Variants in PLA2R1 observed in about 807,000 individuals in gnomAD.
The protein encoded by PLA2R1 is phospholipase A2 receptor 1, also known as secretory phospholipase A2 receptor.
Under a neutral mutation model 195.9 loss-of-function variants are expected in PLA2R1, and 158 were observed. The ratio of observed to expected loss-of-function variants is 0.81; its 90% CI spans 0.71 to 0.92. The LOEUF is 0.92. Ranked by LOEUF, PLA2R1 falls within the 40% of genes least tolerant of loss-of-function variation. The pLI is 0.00. For synonymous variants in PLA2R1, 586 were observed against 598.2 expected, an observed-to-expected ratio of 0.98 and a Z score of 0.30; for missense variants, 1,626 against 1,764.6, an observed-to-expected ratio of 0.92 and a Z score of 1.41.
chr2:159,960,455 G>A (rs908744042), intron 20 of PLA2R1, among the ~76,000 whole-genome samples: 4 of 152,128 alleles, frequency 2.6e-5, no homozygotes, highest in South Asian at 2.1e-4. Flanking sequence ...AATGAATGAA[G>A]TGCTCCAATT....
At chr2:160,015,653 G>C (rs1164163653) in intron 9 of PLA2R1, among the ~76,000 whole-genome samples, 2 of 152,142 alleles carry the variant, frequency 1.3e-5, no homozygotes, top group East Asian at 3.8e-4. Flanking sequence ...ATATCAGGTA[G>C]AGATTAATCA....
chr2:159,931,795 A>G (rs1198369069), downstream of PLA2R1, among the ~76,000 whole-genome samples: 1 of 152,202 alleles, frequency 6.6e-6, no homozygotes, highest in East Asian at 1.9e-4. Context: ...CTTTATGCAT[A>G]AAACCAACAG....
chr2:160,016,974 T>TA (rs1343273129), intron 8 of PLA2R1, among the ~76,000 whole-genome samples: 1 of 152,192 alleles, frequency 6.6e-6, no homozygotes, highest in Admixed American at 6.5e-5. Flanking sequence ...TGCTTCTTGA[T>TA]AGCTGCCATG....
chr2:159,944,615 A>G lies in PLA2R1; in HGVS notation c.4144+291T>C, dbSNP rs570970791. 3.9e-5 allele frequency among the ~76,000 whole-genome samples: 6 copies of G among 152,310 alleles called. No homozygotes were observed. The East Asian group carries it at 1.2e-3, about 29-fold the overall frequency. On this transcript the variant is annotated intron_variant, in intron 28 of 29. Transcript: ENST00000283243. ...ATGAAGGTTGCTGGTTTACATTCCT[A>G]GTTCTATTTGCTTGAGGGAAAATGA...
chr2:160,036,863 C>T (rs1296901776), intron 3 of PLA2R1, among the ~76,000 whole-genome samples: 2 of 151,788 alleles, frequency 1.3e-5, no homozygotes, highest in African/African-American at 4.8e-5. Context: ...CACTGACCCT[C>T]GATGGCTGTG....
chr2:159,987,195 C>T lies in PLA2R1; in HGVS notation c.1998G>A (p.Leu666=). 2.5e-6 allele frequency: 4 copies of T among 1,614,058 alleles called. No homozygotes were observed. Among genetic ancestry groups the T allele is most frequent in the Non-Finnish European group, 2.5e-6 (3 of 1,179,964 alleles). The change falls in exon 12 of 30, where the codon TTG becomes TTA. Residue 666 remains leucine (L), a synonymous_variant. Coordinates refer to ENST00000283243, the MANE Select transcript of PLA2R1 (RefSeq NM_007366.5). ...CCAGACCAGGCTCTGACTCCCAGTC[C>T]AAATAGCAGGGGTGAAAGGGCCATC... ...EERWPFHPCY[L]DWESEPGLAS...
In PLA2R1 at chr2:160,062,390, G is replaced by C. The variant is rs889027511; in HGVS notation, c.14C>G (p.Pro5Arg). 81 of 1,540,368 alleles carry C rather than the reference G, an allele frequency of 5.3e-5. 1 individual carries two copies. In the African/African-American group the frequency reaches 8.7e-4, roughly 17 times the overall value. MLLS[P>R]SLLLLLLLGA... Reference sequence around the variant, plus strand: ...CAGCAGCAGCAGCAGCAGCAGCGACGGCGACAGCAGCATCGCTAACCACTG... The same window carrying C: ...CAGCAGCAGCAGCAGCAGCAGCGACCGCGACAGCAGCATCGCTAACCACTG... The change falls in exon 1 of 30, where the codon CCG (proline) becomes CGG (arginine). Residue 5 changes from proline to arginine, a missense_variant. Physicochemically the swap from Pro to Arg is moderately radical, Grantham distance 103. Coordinates refer to ENST00000283243, the MANE Select transcript of PLA2R1 (RefSeq NM_007366.5).
chr2:159,957,230 T>C (rs1249779004), intron 20 of PLA2R1, among the ~76,000 whole-genome samples: 1 of 151,976 alleles, frequency 6.6e-6, no homozygotes, highest in Non-Finnish European at 1.5e-5. Context: ...GAAGTAGAAA[T>C]GAAGGGGAAG....
In PLA2R1 at chr2:159,951,432, C is replaced by G. The variant is rs370163674; in HGVS notation, c.3448G>C (p.Val1150Leu). The G allele has an allele frequency of 3.8e-5, 61 of 1,613,718 alleles. No homozygotes were observed. Among genetic ancestry groups the G allele is most frequent in the Non-Finnish European group, 5.1e-5 (60 of 1,179,786 alleles). Residue 1150 changes from valine (V) to leucine (L), a missense_variant, in exon 24 of 30, where the codon GTC becomes CTC. Transcript: ENST00000283243. ...KTCLMHKAQL[V>L]SITDQYHQSF... ...TGGTGATACTGGTCTGTGATGCTGA[C>G]CAGTTGTGCTTTGTGCATCAGGCAG... is the stretch of plus-strand genomic sequence containing the variant.
chr2:159,977,538 G>T, intron 14 of PLA2R1, 122 bp from the exon 15 acceptor site: 1 of 680,278 alleles, frequency 1.5e-6, no homozygotes, highest in Non-Finnish European at 2.4e-6. Flanking sequence ...AGAAATGTCT[G>T]GATGTCATTC....
At chr2:159,973,124 G>A (rs183088478) in intron 17 of PLA2R1, among the ~76,000 whole-genome samples, 1 of 152,186 alleles carries the variant, frequency 6.6e-6, no homozygotes, top group African/African-American at 2.4e-5. Context: ...TGAGACAGAA[G>A]TGAGTGGAAT....
In PLA2R1 at chr2:159,933,626, G is replaced by A. The variant is rs889341096; in HGVS notation, c.*8152C>T. ...GACTGAGTTCCATGAGGGGAGAGAT[G>A]GGGTGTTATTGGTATTTATAGCCTC... On this transcript the variant is annotated 3_prime_UTR_variant, in exon 30 of 30. Transcript: ENST00000283243. 3.9e-5 allele frequency: 6 copies of A among 152,140 alleles called. No homozygotes were observed. The highest frequency in any genetic ancestry group is 1.4e-4 in the African/African-American group (6 of 41,406). The allele number at this position is 152,140 out of a possible 1,614,324, so 9.4% of individuals were successfully genotyped here.
chr2:159,951,010 A>G (rs1687701953), intron 24 of PLA2R1, among the ~76,000 whole-genome samples: 1 of 152,194 alleles, frequency 6.6e-6, no homozygotes, highest in African/African-American at 2.4e-5. Flanking sequence ...CAAATTCCCA[A>G]ATGCAGTGCT....
the PLA2R1 span, among the ~76,000 whole-genome samples, chr2:159,924,342 C>T: frequency 1.3e-5 from 2 of 152,186 alleles, no homozygotes; most frequent in Non-Finnish European, 2.9e-5. Context: ...CATTCGGATT[C>T]CAGGGATTAG....
chr2:159,964,235 G>C (rs1688639327), intron 20 of PLA2R1, among the ~76,000 whole-genome samples: 1 of 152,164 alleles, frequency 6.6e-6, no homozygotes, highest in African/African-American at 2.4e-5. Flanking sequence ...CCAGGGGATG[G>C]GGAACAGGAA....
chr2:159,949,584 TGAGTTGA>T lies in PLA2R1; in HGVS notation c.3709+17_3709+23del, dbSNP rs1687599884. 1 of 1,573,446 alleles carries T rather than the reference TGAGTTGA, an allele frequency of 6.4e-7. No homozygotes were observed. Among genetic ancestry groups the T allele is most frequent in the Non-Finnish European group, 8.7e-7 (1 of 1,143,920 alleles). ...ACAGTAGTTAAATAAGGTATATTTT[TGAGTTGA>T]ATAGAATTGAACCTACCAGGTGGCA... is the stretch of plus-strand genomic sequence containing the variant. On this transcript the variant is annotated intron_variant, in intron 25 of 29. Transcript: ENST00000283243.
chr2:160,033,357 AATG>A (rs1693976558), intron 3 of PLA2R1, among the ~76,000 whole-genome samples: 1 of 152,240 alleles, frequency 6.6e-6, no homozygotes, highest in Admixed American at 6.5e-5. Flanking sequence ...AGAAATCACC[AATG>A]AAGAAGCTAT....
intron 23 of PLA2R1, 92 bp from the exon 24 acceptor site, chr2:159,951,670 A>G (rs1188655315): frequency 1.4e-6 from 1 of 723,486 alleles, no homozygotes; most frequent in African/African-American, 1.7e-5. Flanking sequence ...ACTATGATCC[A>G]TGTTGATCAG....
intron 11 of PLA2R1, among the ~76,000 whole-genome samples, chr2:159,988,462 G>C (rs549974230): frequency 1.3e-5 from 2 of 152,256 alleles, no homozygotes; most frequent in East Asian, 3.9e-4. Context: ...AATGTGTAAA[G>C]TGCTACAGTA....
Sources: gnomAD v4.1 joint callset for allele counts (sites outside exome capture counted in the v4.1 genomes callset) on GRCh38, gnomAD v4.1.1 for gene constraint, MANE v1.5 for transcripts, NCBI Gene and HGNC (gene_info 2026-07-23, HGNC 2026-07-21) for gene names.